Variants in RHOU observed in about 807,000 individuals in gnomAD.
RHOU encodes rho-related GTP-binding protein RhoU.
Under a neutral mutation model 12.6 loss-of-function variants are expected in RHOU, and 8 were observed. The observed-to-expected ratio is 0.64, with a 90% CI of 0.37 to 1.15. RHOU has a LOEUF of 1.15. Among genes scored for constraint, RHOU ranks in the 50% most tolerant of loss-of-function variants. The pLI is 0.01. For synonymous variants in RHOU, 161 were observed against 147.4 expected (o/e 1.09, Z -0.67); for missense variants, 258 against 347.0 (o/e 0.74, Z 2.04).
the RHOU span, among the ~76,000 whole-genome samples, chr1:228,673,955 C>T: frequency 1.3e-5 from 2 of 152,128 alleles, no homozygotes; most frequent in Non-Finnish European, 2.9e-5. Context: ...TTTAGTAGAT[C>T]CTTCCAAAGA....
At chr1:228,708,063 G>A in the RHOU span, among the ~76,000 whole-genome samples, 1 of 152,042 alleles carries the variant, frequency 6.6e-6, no homozygotes, top group African/African-American at 2.4e-5. Context: ...TATAAGTGAT[G>A]GAAGATGAAA....
rs1193783956 is a variant in RHOU at position 228,743,848 on chromosome 1, G to A, written c.*108G>A. The A allele has an allele frequency of 6.5e-6, 6 of 922,450 alleles. No homozygotes were observed. Among genetic ancestry groups the A allele is most frequent in the Middle Eastern group, 2.2e-4 (1 of 4,498 alleles). 57.1% of individuals were successfully genotyped at this position (922,450 alleles called of 1,614,324 possible). On this transcript the variant is annotated 3_prime_UTR_variant, in exon 3 of 3. Transcript: ENST00000366691. The surrounding 1 kb of genome is among the most constrained non-coding windows in gnomAD (Gnocchi z 5.1). ...CGTAGAACCTATATCGAGAGTGTGT[G>A]TATATGTATTATAGGAGGAGCTCTC... is the stretch of plus-strand genomic sequence containing the variant.
At chr1:228,714,225 C>G in the RHOU span, among the ~76,000 whole-genome samples, 2 of 151,318 alleles carry the variant, frequency 1.3e-5, no homozygotes, top group Non-Finnish European at 2.9e-5. Flanking sequence ...GTGTTGAATT[C>G]TGTTTATAAA....
At chr1:228,709,436 G>C in the RHOU span, among the ~76,000 whole-genome samples, 1 of 150,468 alleles carries the variant, frequency 6.6e-6, no homozygotes, top group South Asian at 2.1e-4. Context: ...AAATGTAAAA[G>C]AACAGAAATT....
At chr1:228,701,196 T>C in the RHOU span, among the ~76,000 whole-genome samples, 2 of 152,230 alleles carry the variant, frequency 1.3e-5, no homozygotes, top group Non-Finnish European at 2.9e-5. Flanking sequence ...AGAGTTAATT[T>C]TGAATTTTAA....
the RHOU span, among the ~76,000 whole-genome samples, chr1:228,712,136 C>A: frequency 6.6e-6 from 1 of 152,008 alleles, no homozygotes; most frequent in Non-Finnish European, 1.5e-5. Context: ...GTTAGAATGG[C>A]AATCATTAAA....
At position 228,738,388 on chromosome 1, in the gene RHOU, A is replaced by G. The variant is rs6667385; in HGVS notation, c.321+657A>G. Among the ~76,000 whole-genome samples the G allele has an allele frequency of 0.17, 25,537 of 152,110 alleles. 2,810 individuals are homozygous for G. The highest frequency in any genetic ancestry group is 0.31 in the African/African-American group (12,931 of 41,464). Reference sequence around the variant, plus strand: ...GGGTTCCCTCTTTGTGTTCCCCAGAAGAAGCCCCCATTGGTGGGTACTCGA... The same window carrying G: ...GGGTTCCCTCTTTGTGTTCCCCAGAGGAAGCCCCCATTGGTGGGTACTCGA... On this transcript the variant is annotated intron_variant, in intron 2 of 2. Coordinates refer to ENST00000366691, the MANE Select transcript of RHOU (RefSeq NM_021205.6). This position sits in a 1 kb window ranked among gnomAD's most constrained non-coding sequence, Gnocchi z 4.2.
At chr1:228,705,028 C>T in the RHOU span, among the ~76,000 whole-genome samples, 2 of 151,754 alleles carry the variant, frequency 1.3e-5, no homozygotes, top group Admixed American at 6.6e-5. Flanking sequence ...TCTTGAACTC[C>T]TGACCTCAAG....
chr1:228,704,646 C>T, the RHOU span, among the ~76,000 whole-genome samples: 97 of 149,644 alleles, frequency 6.5e-4, no homozygotes, highest in Non-Finnish European at 1.0e-3. Context: ...TTTTAAGTAG[C>T]GATGGGGTGT....
the RHOU span, among the ~76,000 whole-genome samples, chr1:228,688,371 G>A: frequency 6.6e-6 from 1 of 152,196 alleles, no homozygotes; most frequent in Non-Finnish European, 1.5e-5. Flanking sequence ...CATGTGTGAA[G>A]AACAGCAGAC....
At chr1:228,733,322 C>A (rs769857496), upstream of RHOU, among the ~76,000 whole-genome samples, 1 of 152,186 alleles carries the variant, frequency 6.6e-6, no homozygotes, top group Non-Finnish European at 1.5e-5. Context: ...CTGTTTGTTT[C>A]TTTTTGAGAC....
At position 228,737,657 on chromosome 1, in the gene RHOU, T is replaced by C. The variant is rs1350875127; in HGVS notation, c.263-16T>C. The C allele has an allele frequency of 1.2e-6, 2 of 1,613,796 alleles. No homozygotes were observed. Among genetic ancestry groups the C allele is most frequent in the East Asian group, 4.5e-5 (2 of 44,898 alleles). On this transcript the variant is annotated splice_polypyrimidine_tract_variant and intron_variant, in intron 1 of 2. Coordinates refer to ENST00000366691, the MANE Select transcript of RHOU (RefSeq NM_021205.6). The surrounding 1 kb of genome is among the most constrained non-coding windows in gnomAD (Gnocchi z 4.1). ...AAAAGACACCTCCTGATTGTCATTT[T>C]GGTTTTGTTTTTAAGCGGTGGTGTC...
At chr1:228,733,428 C>A (rs1013979148), upstream of RHOU, among the ~76,000 whole-genome samples, 1 of 152,198 alleles carries the variant, frequency 6.6e-6, no homozygotes, top group Non-Finnish European at 1.5e-5. Flanking sequence ...CTACCTCAGC[C>A]TCTGGAGTAT....
chr1:228,728,362 G>C, the RHOU span, among the ~76,000 whole-genome samples: 1 of 152,098 alleles, frequency 6.6e-6, no homozygotes, highest in Non-Finnish European at 1.5e-5. Context: ...TTTATCTCTT[G>C]TGATAATTCT....
At chr1:228,704,614 C>T in the RHOU span, among the ~76,000 whole-genome samples, 6 of 151,056 alleles carry the variant, frequency 4.0e-5, no homozygotes, top group Admixed American at 6.6e-5. Flanking sequence ...TGCACCACCA[C>T]ACTCAGCTAA....
chr1:228,677,830 A>G, the RHOU span, among the ~76,000 whole-genome samples: 2 of 152,170 alleles, frequency 1.3e-5, no homozygotes, highest in Non-Finnish European at 2.9e-5. Context: ...CAAGAGCCTG[A>G]GAAACTGCTT....
rs1399191000 is a variant in RHOU, at chr1:228,738,400, T to C, written c.321+669T>C. ...TGTGTTCCCCAGAAGAAGCCCCCAT[T>C]GGTGGGTACTCGAGTCATTGAAGTC... is the stretch of plus-strand genomic sequence containing the variant. On this transcript the variant is annotated intron_variant, in intron 2 of 2. Coordinates refer to ENST00000366691, the MANE Select transcript of RHOU (RefSeq NM_021205.6). This position sits in a 1 kb window ranked among gnomAD's most constrained non-coding sequence, Gnocchi z 4.2. Among the ~76,000 whole-genome samples, 1 of 152,052 alleles carries C rather than the reference T, an allele frequency of 6.6e-6. No homozygotes were observed. The highest frequency in any genetic ancestry group is 1.5e-5 in the Non-Finnish European group (1 of 68,004).
the RHOU span, among the ~76,000 whole-genome samples, chr1:228,725,886 T>A: frequency 0.019 from 2,914 of 152,230 alleles, 99 homozygotes; most frequent in African/African-American, 0.067. Flanking sequence ...GATAAAAAAA[T>A]GATTTCAAAT....
chr1:228,723,321 G>T, the RHOU span, among the ~76,000 whole-genome samples: 1 of 152,232 alleles, frequency 6.6e-6, no homozygotes, highest in Non-Finnish European at 1.5e-5. Context: ...GACCCCAAGT[G>T]GGGTGGAAAC....
Sources: allele counts gnomAD v4.1 joint callset (sites outside exome capture counted in the v4.1 genomes callset), GRCh38; gene constraint gnomAD v4.1.1; non-coding constraint Gnocchi (gnomAD v3.1); transcripts MANE v1.5; gene names NCBI Gene and HGNC (gene_info 2026-07-23, HGNC 2026-07-21).